The following DNAJC10 variants were observed in gnomAD, a reference collection of about 807,000 sequenced individuals.
The protein encoded by DNAJC10 is DnaJ heat shock protein family (Hsp40) member C10, also known as endoplasmic reticulum disulfide reductase DNAJC10.
In DNAJC10, 101 loss-of-function variants were observed where a neutral mutation model predicts 115.0. That is an observed-to-expected ratio of 0.88 (90% CI 0.75 to 1.04). DNAJC10 has a LOEUF of 1.04. Ranked by LOEUF, DNAJC10 falls within the 50% of genes least tolerant of loss-of-function variation. The pLI is 0.00. For missense variants in DNAJC10, 981 were observed against 928.8 expected (o/e 1.06, Z -0.73); for synonymous variants, 307 against 301.5 (o/e 1.02, Z -0.19).
In DNAJC10 at chr2:182,789,826, C is replaced by T. The variant is rs868491111; in HGVS notation, c.*12694C>T. The T allele has an allele frequency of 3.9e-5, 6 of 152,300 alleles. No individual in the cohort carries two copies. The highest frequency in any genetic ancestry group is 1.4e-4 in the African/African-American group (6 of 41,552). The allele number at this position is 152,300 out of a possible 1,614,324, so 9.4% of individuals were successfully genotyped here. A position where few individuals can be genotyped will look rare whatever the true frequency, so the allele number is the denominator to read the frequency against. On this transcript the variant is annotated 3_prime_UTR_variant, in exon 24 of 24. Coordinates refer to ENST00000264065, the MANE Select transcript of DNAJC10 (RefSeq NM_018981.4). ...GAGTTCTGATTTTTCCACATCCTCA[C>T]CAACACTCATTTTTTTTAAATAGTA...
At chr2:182,732,473 G>A in intron 9 of DNAJC10, 26 bp from the exon 10 acceptor site, 1 of 1,612,796 alleles carries the variant, frequency 6.2e-7, no homozygotes, top group Non-Finnish European at 8.5e-7. Context: ...AGGTAAAACT[G>A]CCTCATAAGG....
In DNAJC10 at chr2:182,787,144, G is replaced by GA. The variant is rs1054390576; in HGVS notation, c.*10019dup. On this transcript the variant is annotated 3_prime_UTR_variant, in exon 24 of 24. Transcript: ENST00000264065. ...TAGCAGCCTGGACAGACAATATATT[G>GA]AAAAAAATCAGTTTTGCAGTTCCAC... 1.3e-5 allele frequency: 2 copies of GA among 152,076 alleles called. No individual in the cohort carries two copies. Among genetic ancestry groups the GA allele is most frequent in the East Asian group, 3.9e-4 (2 of 5,182 alleles). 9.4% of individuals were successfully genotyped at this position (152,076 alleles called of 1,614,324 possible).
rs769744719 is a variant in DNAJC10 at position 182,756,467 on chromosome 2, C to T, written c.1807C>T (p.Arg603Trp). The change falls in exon 18 of 24, where the codon CGG (arginine) becomes TGG (tryptophan). Residue 603 changes from arginine to tryptophan, a missense_variant and splice_region_variant. Transcript: ENST00000264065. ...VLMPEWKRMA[R>W]TLTGLINVGS... ...AATGCCAGAATGGAAAAGAATGGCC[C>T]GGGTATAGTAAAAATAGTTTATTTT... 9.3e-6 allele frequency: 15 copies of T among 1,606,274 alleles called. No homozygotes were observed. The highest frequency in any genetic ancestry group is 6.7e-5 in the East Asian group (3 of 44,802).
At chr2:182,747,924 G>C (rs1693912001) in intron 14 of DNAJC10, among the ~76,000 whole-genome samples, 1 of 151,860 alleles carries the variant, frequency 6.6e-6, no homozygotes, top group Non-Finnish European at 1.5e-5. Context: ...AATTTATGGA[G>C]AGTTTTTAGC....
intron 17 of DNAJC10, 59 bp downstream of exon 17, chr2:182,755,163 A>G (rs1694126030): frequency 8.9e-6 from 9 of 1,014,460 alleles, no homozygotes; most frequent in South Asian, 1.3e-5. Flanking sequence ...TAAACCCTGT[A>G]TGAATGTTTC....
intron 11 of DNAJC10, chr2:182,739,758 A>C (rs1559006881): frequency 5.7e-5 from 57 of 1,003,350 alleles, no homozygotes; most frequent in Admixed American, 1.2e-4. Context: ...TGGTTTTTAG[A>C]TGAAAACCTC....
chr2:182,758,266 A>G (rs1694206920), intron 19 of DNAJC10, among the ~76,000 whole-genome samples: 1 of 152,194 alleles, frequency 6.6e-6, no homozygotes, highest in Non-Finnish European at 1.5e-5. Context: ...CAAGTCACAC[A>G]GCTGCTAAGT....
intron 5 of DNAJC10, among the ~76,000 whole-genome samples, chr2:182,727,608 T>A (rs1030231310): frequency 6.6e-6 from 1 of 152,208 alleles, no homozygotes; most frequent in Non-Finnish European, 1.5e-5. Context: ...CCCACAGGTC[T>A]GTCTTATACT....
At chr2:182,737,281 G>T (rs11892516) in intron 11 of DNAJC10, among the ~76,000 whole-genome samples, 23,865 of 152,152 alleles carry the variant, frequency 0.16, 4,621 homozygotes, top group African/African-American at 0.46. Context: ...CCAAAAGAAA[G>T]TAAGGACTGT....
rs1483640031 is a variant in DNAJC10, at chr2:182,779,599, G to T, written c.*2467G>T. On this transcript the variant is annotated 3_prime_UTR_variant, in exon 24 of 24. Coordinates refer to ENST00000264065, the MANE Select transcript of DNAJC10 (RefSeq NM_018981.4). ...ATCTCTAATAAATAAATTATGTTTT[G>T]GGCATTAATGATGTTTGTCTATTCT... The T allele has an allele frequency of 6.6e-6, 1 of 151,978 alleles. No individual in the cohort carries two copies. Among genetic ancestry groups the T allele is most frequent in the Non-Finnish European group, 1.5e-5 (1 of 67,986 alleles). The allele number at this position is 151,978 out of a possible 1,614,324, so 9.4% of individuals were successfully genotyped here.
Position 182,722,019 on chromosome 2 carries a change from A to T in DNAJC10, c.368-6A>T, listed in dbSNP as rs761220435. ...TTTTATAATTTTTATATACTTTTAA[A>T]ATTAGGTATTTATGATGATGATCCT... On this transcript the variant is annotated splice_region_variant and splice_polypyrimidine_tract_variant and intron_variant, in intron 4 of 23. Coordinates refer to ENST00000264065, the MANE Select transcript of DNAJC10 (RefSeq NM_018981.4). 2 of 1,466,766 alleles carry T rather than the reference A, an allele frequency of 1.4e-6. No homozygotes were observed. The highest frequency in any genetic ancestry group is 2.6e-5 in the South Asian group (2 of 76,700). 90.9% of individuals were successfully genotyped at this position (1,466,766 alleles called of 1,614,324 possible). A position where few individuals can be genotyped will look rare whatever the true frequency, so the allele number is the denominator to read the frequency against.
Position 182,736,285 on chromosome 2 carries a change from AC to A in DNAJC10, c.889del (p.Gln297ArgfsTer8). 6.3e-7 allele frequency: 1 copy of A among 1,591,202 alleles called. No individual in the cohort carries two copies. The highest frequency in any genetic ancestry group is 8.5e-7 in the Non-Finnish European group (1 of 1,171,908). On this transcript the variant is annotated frameshift_variant, in exon 11 of 24. Transcript: ENST00000264065. LOFTEE classifies it high-confidence loss of function. ...LVNVGWMDCA[T>X]QDNLCKSLDI... ...TAATGTAGGATGGATGGACTGTGCC[AC>A]CCAGGATAACCTTTGTAAAAGCTTA...
chr2:182,732,808 GT>G, intron 10 of DNAJC10: 1 of 461,588 alleles, frequency 2.2e-6, no homozygotes, highest in Non-Finnish European at 3.8e-6. Flanking sequence ...GAAGTTACAT[GT>G]TAGTGTTTTT....
intron 16 of DNAJC10, among the ~76,000 whole-genome samples, chr2:182,753,260 T>C (rs1694070883): frequency 6.6e-6 from 1 of 152,108 alleles, no homozygotes; most frequent in Admixed American, 6.5e-5. Context: ...CTCTCTACTT[T>C]TGTGAATGTT....
At position 182,759,151 on chromosome 2, in the gene DNAJC10, T is replaced by C. The variant is rs1694229017; in HGVS notation, c.1998-9T>C. ...TATAATGAAAAATGATTTTGATCAT[T>C]TGCCACAGATTTTTACCTCAAGTAT... is the stretch of plus-strand genomic sequence containing the variant. On this transcript the variant is annotated splice_polypyrimidine_tract_variant and intron_variant, in intron 20 of 23. Transcript: ENST00000264065. The C allele has an allele frequency of 2.6e-6, 4 of 1,566,528 alleles. No individual in the cohort carries two copies. The Admixed American group carries it at 6.5e-5, about 25-fold the overall frequency.
chr2:182,732,433 A>C, intron 9 of DNAJC10, 66 bp from the exon 10 acceptor site: 1 of 1,492,116 alleles, frequency 6.7e-7, no homozygotes, highest in Admixed American at 1.7e-5. Context: ...GGGGAAAGGC[A>C]AATGCAAGTA....
chr2:182,734,651 TGA>T (rs943328262), intron 10 of DNAJC10, among the ~76,000 whole-genome samples: 2 of 151,898 alleles, frequency 1.3e-5, no homozygotes, highest in African/African-American at 4.8e-5. Flanking sequence ...TATCAATAAC[TGA>T]GAGAGTGTCT....
At position 182,741,680 on chromosome 2, in the gene DNAJC10, A is replaced by G. The variant is rs35678545; in HGVS notation, c.1191+324A>G. 7.1e-3 allele frequency among the ~76,000 whole-genome samples: 1,084 copies of G among 152,278 alleles called. 4 individuals are homozygous for G. Among genetic ancestry groups the G allele is most frequent in the Non-Finnish European group, 0.012 (847 of 68,006 alleles). ...AAGTAATTCTTGGTCGTTGTTTAAA[A>G]ATCAGGACAATAAATAAGTACAAAA... On this transcript the variant is annotated intron_variant, in intron 13 of 23. Transcript: ENST00000264065.
At chr2:182,759,903 A>AG (rs1399012438) in intron 21 of DNAJC10, among the ~76,000 whole-genome samples, 2 of 152,150 alleles carry the variant, frequency 1.3e-5, no homozygotes, top group East Asian at 3.9e-4. Flanking sequence ...CTTAAAAAAA[A>AG]AAATTCCCAG....
Sources: allele counts gnomAD v4.1 joint callset (sites outside exome capture counted in the v4.1 genomes callset), GRCh38; gene constraint gnomAD v4.1.1; transcripts MANE v1.5; gene names NCBI Gene and HGNC (gene_info 2026-07-23, HGNC 2026-07-21).